The following NDE1 variants were observed in gnomAD, a reference collection of about 807,000 sequenced individuals.
The protein encoded by NDE1 is nuclear distribution protein nudE homolog 1.
Under a neutral mutation model 43.4 loss-of-function variants are expected in NDE1, and 28 were observed. That is an observed-to-expected ratio of 0.65 (90% confidence interval 0.48 to 0.89). The LOEUF (loss-of-function observed/expected upper bound fraction) is 0.89. Among genes scored for constraint, NDE1 ranks in the 40% least tolerant of loss-of-function variants. The pLI, the probability that NDE1 is intolerant of heterozygous loss-of-function variation, is 0.00. For synonymous variants in NDE1, 184 were observed against 172.0 expected (o/e 1.07, Z -0.55); for missense variants, 441 against 434.1 (o/e 1.02, Z -0.14).
chr16:15,674,595 A>G (rs1025887685), intron 3 of NDE1, among the ~76,000 whole-genome samples: 4 of 152,170 alleles, frequency 2.6e-5, no homozygotes, highest in African/African-American at 9.7e-5. Context: ...TTCTGTCTCC[A>G]TGCTACAACG....
intron 8 of NDE1, chr16:15,719,426 G>T (rs2040347802): frequency 1.3e-5 from 19 of 1,456,372 alleles, no homozygotes; most frequent in Non-Finnish European, 1.8e-5. Flanking sequence ...GCTCAGGGGA[G>T]GCCCCGTGAA....
At chr16:15,705,907 C>T (rs779810298) in intron 8 of NDE1, among the ~76,000 whole-genome samples, 28 of 140,912 alleles carry the variant, frequency 2.0e-4, no homozygotes, top group Non-Finnish European at 3.5e-4. Flanking sequence ...ATGACATGAA[C>T]CCAGGAGGCG....
chr16:15,694,299 C>A, intron 7 of NDE1, 43 bp downstream of exon 7: 1 of 1,603,284 alleles, frequency 6.2e-7, no homozygotes, highest in South Asian at 1.1e-5. Flanking sequence ...TCCTGCCTGT[C>A]TTTCAGGATG....
At position 15,691,471 on chromosome 16, in the gene NDE1, T is replaced by A. The variant is rs2038750637; in HGVS notation, c.703+148T>A. Reference sequence around the variant, plus strand: ...TTTGAGCAGAGAGTAGACTGGGATGTTCTTGGGGATGGGCATTGAGATCAG... The same window carrying A: ...TTTGAGCAGAGAGTAGACTGGGATGATCTTGGGGATGGGCATTGAGATCAG... On this transcript the variant is annotated intron_variant, in intron 6 of 8. Coordinates refer to ENST00000396354, the MANE Select transcript of NDE1 (RefSeq NM_017668.3). The A allele has an allele frequency of 1.6e-5, 15 of 921,980 alleles. 1 individual carries two copies. In the South Asian group the frequency reaches 2.3e-4, roughly 14 times the overall value. The allele number at this position is 921,980 out of a possible 1,614,324, so 57.1% of individuals were successfully genotyped here. A position where few individuals can be genotyped will look rare whatever the true frequency, so the allele number is the denominator to read the frequency against.
rs558625464 is a variant in NDE1, at chr16:15,724,537, G to A, written c.*286G>A. On this transcript the variant is annotated 3_prime_UTR_variant, in exon 9 of 9. Coordinates refer to ENST00000396354, the MANE Select transcript of NDE1 (RefSeq NM_017668.3). ...AGAAACCCAATAGCAGGGGAAGCTGGGGGGTCAAGCACCATCGCACCAACA... is the reference window on the plus strand; with the variant it reads ...AGAAACCCAATAGCAGGGGAAGCTGAGGGGTCAAGCACCATCGCACCAACA... The A allele has an allele frequency of 3.8e-3, 6,120 of 1,606,582 alleles. 12 individuals are homozygous for A. The highest frequency in any genetic ancestry group is 4.6e-3 in the Non-Finnish European group (5,451 of 1,176,094).
chr16:15,691,326 A>C lies in NDE1; in HGVS notation c.703+3A>C. ...CACACCTGGGAGCTTCAGACGTGGT[A>C]AGGGGAGTGGGAATTGCAGGATTTT... On this transcript the variant is annotated splice_donor_region_variant and intron_variant, in intron 6 of 8. Transcript: ENST00000396354. 6.2e-7 allele frequency: 1 copy of C among 1,613,920 alleles called. No homozygotes were observed. Among genetic ancestry groups the C allele is most frequent in the Non-Finnish European group, 8.5e-7 (1 of 1,179,928 alleles).
At chr16:15,705,871 C>G (rs1271293643) in intron 8 of NDE1, among the ~76,000 whole-genome samples, 1 of 149,850 alleles carries the variant, frequency 6.7e-6, no homozygotes, top group Non-Finnish European at 1.5e-5. Context: ...GTCCCAGCTA[C>G]TCGGGAGGGA....
intron 8 of NDE1, chr16:15,699,464 A>G (rs184896080): frequency 6.5e-5 from 61 of 942,862 alleles, no homozygotes; most frequent in East Asian, 2.5e-4. Context: ...GGGTCTCACT[A>G]TGTTGCGTAG....
intron 8 of NDE1, among the ~76,000 whole-genome samples, chr16:15,707,727 T>C (rs1041971908): frequency 3.3e-5 from 5 of 152,088 alleles, no homozygotes; most frequent in South Asian, 4.2e-4. Flanking sequence ...ATCCCAGCAT[T>C]TGGGGAGGCC....
At chr16:15,685,164 T>C (rs2038375939) in intron 4 of NDE1, among the ~76,000 whole-genome samples, 1 of 152,254 alleles carries the variant, frequency 6.6e-6, no homozygotes, top group Admixed American at 6.5e-5. Context: ...TGTGAATATT[T>C]TATCTTTGAT....
At chr16:15,645,064 C>T (rs913787829) in intron 1 of NDE1, among the ~76,000 whole-genome samples, 19 of 151,844 alleles carry the variant, frequency 1.3e-4, no homozygotes, top group African/African-American at 3.9e-4. Context: ...GGATTACAGG[C>T]GCCCACCACC....
At chr16:15,676,110 C>T (rs533687694) in intron 3 of NDE1, among the ~76,000 whole-genome samples, 1 of 151,790 alleles carries the variant, frequency 6.6e-6, no homozygotes, top group East Asian at 1.9e-4. Flanking sequence ...CCTTTCCTTC[C>T]CTCTCCCTCC....
chr16:15,652,695 A>C (rs1022938956), intron 1 of NDE1, among the ~76,000 whole-genome samples: 1 of 151,926 alleles, frequency 6.6e-6, no homozygotes, highest in Non-Finnish European at 1.5e-5. Context: ...ACGGGATCTC[A>C]CTCTGTCGCC....
rs756470513 is a variant in NDE1, at chr16:15,664,793, A to G, written c.15A>G (p.Gly5=). The G allele has an allele frequency of 1.9e-6, 3 of 1,613,266 alleles. No individual in the cohort carries two copies. In the East Asian group the frequency reaches 6.7e-5, roughly 36 times the overall value. The change falls in exon 2 of 9, where the codon GGA becomes GGG. Residue 5 remains glycine, a synonymous_variant. Transcript: ENST00000396354. MEDS[G]KTFSSEEEEA... ...CTGTTTTCACAATGGAGGACTCCGG[A>G]AAGACTTTCAGCTCCGAGGAGGAAG...
rs116923731 is a variant in NDE1, at chr16:15,718,724, G to C, written c.948-5467G>C. 4,412 of 527,390 alleles carry C rather than the reference G, an allele frequency of 8.4e-3. 20 individuals are homozygous for C. The highest frequency in any genetic ancestry group is 0.012 in the Non-Finnish European group (3,554 of 293,696). 32.7% of individuals were successfully genotyped at this position (527,390 alleles called of 1,614,324 possible). On this transcript the variant is annotated intron_variant, in intron 8 of 8. Transcript: ENST00000396354. ...CCCCACACAGCTACTTATTGGGAATGAATGAAAGCAGCCACACCCCCAAAC... is the reference window on the plus strand; with the variant it reads ...CCCCACACAGCTACTTATTGGGAATCAATGAAAGCAGCCACACCCCCAAAC...
chr16:15,647,123 A>G (rs141300175), upstream of NDE1, among the ~76,000 whole-genome samples: 384 of 152,370 alleles, frequency 2.5e-3, 5 homozygotes, highest in African/African-American at 8.6e-3. Flanking sequence ...ATGATTCATT[A>G]ATGTTTGGGA....
Position 15,695,203 on chromosome 16 carries a change from CTTTTTTTTTTTTT to C in NDE1, c.795+959_795+971del, listed in dbSNP as rs71134451. On this transcript the variant is annotated intron_variant, in intron 7 of 8. Coordinates refer to ENST00000396354, the MANE Select transcript of NDE1 (RefSeq NM_017668.3). The stretch of plus-strand genomic sequence containing the variant: ...TCTCAGAAGAGAAAAAAACTGCCAC[CTTTTTTTTTTTTT>C]TTTTTTTTTTTGGTTTGTTTCTTGG... Among the ~76,000 whole-genome samples, 144 of 79,692 alleles carry C rather than the reference CTTTTTTTTTTTTT, an allele frequency of 1.8e-3. 1 individual carries two copies. Among genetic ancestry groups the C allele is most frequent in the Non-Finnish European group, 2.6e-3 (112 of 43,828 alleles). The allele number at this position is 79,692 out of a possible 152,430, so 52.3% of individuals were successfully genotyped here. A position where few individuals can be genotyped will look rare whatever the true frequency, so the allele number is the denominator to read the frequency against.
chr16:15,696,227 T>A (rs535148294), intron 7 of NDE1, among the ~76,000 whole-genome samples: 7 of 151,746 alleles, frequency 4.6e-5, no homozygotes, highest in Non-Finnish European at 1.0e-4. Context: ...TTTTTTTTAT[T>A]AACTGGGCAT....
intron 1 of NDE1, among the ~76,000 whole-genome samples, chr16:15,663,582 C>T (rs2037157699): frequency 1.3e-5 from 2 of 152,072 alleles, no homozygotes; most frequent in Non-Finnish European, 2.9e-5. Context: ...GTCGCCTCTT[C>T]TAGGAAGCCT....
Sources: gnomAD v4.1 joint callset for allele counts (sites outside exome capture counted in the v4.1 genomes callset) on GRCh38, gnomAD v4.1.1 for gene constraint, MANE v1.5 for transcripts, NCBI Gene and HGNC (gene_info 2026-07-23, HGNC 2026-07-21) for gene names.